The following CIT variants were observed in gnomAD, a reference collection of about 807,000 sequenced individuals.
CIT encodes citron rho-interacting serine/threonine kinase, also known as citron Rho-interacting kinase.
In CIT, 79 loss-of-function variants were observed where a neutral mutation model predicts 272.7. The ratio of observed to expected loss-of-function variants is 0.29; its 90% confidence interval spans 0.24 to 0.35. CIT has a LOEUF of 0.35. Among genes scored for constraint, CIT ranks in the 10% least tolerant of loss-of-function variants. CIT has a pLI of 1.00. For missense variants in CIT, 1,909 were observed against 2,618.3 expected (o/e 0.73, Z 5.91); for synonymous variants, 948 against 995.6 (o/e 0.95, Z 0.90).
chr12:119,703,677 C>T (rs1383104642), intron 41 of CIT, among the ~76,000 whole-genome samples: 2 of 152,120 alleles, frequency 1.3e-5, no homozygotes, highest in South Asian at 2.1e-4. Context: ...CCACCCTCCT[C>T]GGCCTCCCAA....
intron 41 of CIT, among the ~76,000 whole-genome samples, chr12:119,704,074 G>A (rs566689807): frequency 6.6e-6 from 1 of 151,962 alleles, no homozygotes; most frequent in African/African-American, 2.4e-5. Flanking sequence ...TTTCCTATCA[G>A]TCAACTTTCT....
intron 27 of CIT, among the ~76,000 whole-genome samples, 195 bp downstream of exon 27, chr12:119,730,300 C>T (rs1219130749): frequency 2.0e-5 from 3 of 152,062 alleles, no homozygotes; most frequent in Non-Finnish European, 2.9e-5. Context: ...ACTGGGTACC[C>T]ACCGCACCCA....
intron 5 of CIT, among the ~76,000 whole-genome samples, chr12:119,843,946 C>T (rs1186622053): frequency 6.6e-6 from 1 of 151,888 alleles, no homozygotes; most frequent in East Asian, 1.9e-4. Flanking sequence ...AATCTAGGAT[C>T]CATTTATCTT....
chr12:119,833,681 A>G (rs1968801883), intron 6 of CIT, among the ~76,000 whole-genome samples: 2 of 151,920 alleles, frequency 1.3e-5, no homozygotes, highest in Admixed American at 6.6e-5. Flanking sequence ...AAAAAAAAAA[A>G]AAAAAATTGT....
chr12:119,868,926 T>A (rs760946205), intron 3 of CIT, 134 bp downstream of exon 3: 15 of 1,057,626 alleles, frequency 1.4e-5, no homozygotes, highest in Non-Finnish European at 1.8e-5. Context: ...CAGCCTGAAT[T>A]TGAACCTGGA....
intron 9 of CIT, among the ~76,000 whole-genome samples, chr12:119,815,566 CA>C (rs751012278): frequency 3.1e-4 from 47 of 152,066 alleles, no homozygotes; most frequent in Admixed American, 2.0e-3. Context: ...ATTAGCCAAG[CA>C]TAGTGGCGCA....
At chr12:119,854,155 T>C (rs1335277060) in intron 4 of CIT, among the ~76,000 whole-genome samples, 1 of 151,908 alleles carries the variant, frequency 6.6e-6, no homozygotes, top group African/African-American at 2.4e-5. Flanking sequence ...AGCTCCCAAG[T>C]AGCTGGGATT....
At chr12:119,724,930 CAAAAA>C (rs35757526) in intron 28 of CIT, among the ~76,000 whole-genome samples, 2 of 44,528 alleles carry the variant, frequency 4.5e-5, no homozygotes, top group Admixed American at 3.4e-4. Flanking sequence ...GACTCCATCT[CAAAAA>C]AAAAAAAAAA....
At chr12:119,693,436 G>T (rs142531714) in intron 46 of CIT, among the ~76,000 whole-genome samples, 2 of 152,240 alleles carry the variant, frequency 1.3e-5, no homozygotes, top group East Asian at 3.9e-4. Flanking sequence ...ACACTTTTCT[G>T]CCCCTCGTTC....
intron 28 of CIT, among the ~76,000 whole-genome samples, chr12:119,726,045 A>G: frequency 7.6e-6 from 1 of 131,596 alleles, no homozygotes; most frequent in Non-Finnish European, 1.5e-5. Context: ...TTTAGTATTA[A>G]TTTTATTTTT....
At chr12:119,722,168 G>A (rs550622671) in intron 28 of CIT, among the ~76,000 whole-genome samples, 3 of 152,242 alleles carry the variant, frequency 2.0e-5, no homozygotes, top group South Asian at 2.1e-4. Context: ...CTATAAAGAC[G>A]CTGGTTTTGT....
rs374966816 is a variant in CIT, at chr12:119,812,501, G to A, written c.1112-9112C>T. Among the ~76,000 whole-genome samples, 7 of 151,740 alleles carry A rather than the reference G, an allele frequency of 4.6e-5. No homozygotes were observed. The South Asian group carries it at 1.5e-3, about 32-fold the overall frequency. On this transcript the variant is annotated intron_variant, in intron 9 of 47. Transcript: ENST00000392521. ...GATGCCCAGGAGGGAGTGCAGGGGT[G>A]CAATCATAGTTCACTATAAGCTTGA...
intron 10 of CIT, among the ~76,000 whole-genome samples, chr12:119,799,848 T>TTC (rs1163335452): frequency 6.6e-6 from 1 of 151,804 alleles, no homozygotes; most frequent in Non-Finnish European, 1.5e-5. Flanking sequence ...TGAGTTTTTT[T>TTC]TTTTTTAGCT....
At chr12:119,749,271 C>A (rs1477063890) in intron 23 of CIT, among the ~76,000 whole-genome samples, 1 of 152,190 alleles carries the variant, frequency 6.6e-6, no homozygotes, top group Non-Finnish European at 1.5e-5. Context: ...CTTTTATTGA[C>A]AAAACAGCCT....
chr12:119,728,588 T>G lies in CIT; in HGVS notation c.3505A>C (p.Lys1169Gln). ...LSDKLNDLEK[K>Q]HAMLEMNARS... ...GCATTCATTTCAAGCATAGCATGCT[T>G]CTTCTCCAGGTCATTGAGCTAGACA... is the stretch of plus-strand genomic sequence containing the variant. Residue 1169 changes from lysine (K) to glutamine (Q), a missense_variant, in exon 28 of 48, where the codon AAG becomes CAG. Physicochemically the swap from Lys to Gln is moderately conservative, Grantham distance 53 (BLOSUM62 1). Transcript: ENST00000392521. This position sits in a 1 kb window ranked among gnomAD's most constrained non-coding sequence, Gnocchi z 4.3. The G allele has an allele frequency of 6.2e-7, 1 of 1,612,634 alleles. No homozygotes were observed.
intron 4 of CIT, 58 bp from the exon 5 acceptor site, chr12:119,850,333 C>T: frequency 1.9e-6 from 2 of 1,059,760 alleles, no homozygotes; most frequent in Non-Finnish European, 1.4e-6. Flanking sequence ...GAAAAAGAAG[C>T]CTTTTCCTCT....
Position 119,713,351 on chromosome 12 carries a change from G to T in CIT, c.4488-57C>A. 2 of 1,587,492 alleles carry T rather than the reference G, an allele frequency of 1.3e-6. No homozygotes were observed. Among genetic ancestry groups the T allele is most frequent in the East Asian group, 2.2e-5 (1 of 44,764 alleles). ...CTGAACTCAGAAGAAACATCCGGCT[G>T]GAGGATAGGATGAGGGGGTGGCAGA... On this transcript the variant is annotated intron_variant, in intron 34 of 47. Coordinates refer to ENST00000392521, the MANE Select transcript of CIT (RefSeq NM_001206999.2). The surrounding 1 kb of genome is among the most constrained non-coding windows in gnomAD (Gnocchi z 5.2).
intron 16 of CIT, among the ~76,000 whole-genome samples, chr12:119,774,155 T>C (rs1963494596): frequency 6.6e-6 from 1 of 152,234 alleles, no homozygotes; most frequent in Non-Finnish European, 1.5e-5. Context: ...AATTCGTATT[T>C]GGTGGTTATA....
At chr12:119,803,645 T>A (rs1354004108) in intron 9 of CIT, among the ~76,000 whole-genome samples, 1 of 152,028 alleles carries the variant, frequency 6.6e-6, no homozygotes, top group Non-Finnish European at 1.5e-5. Context: ...ACAGGTCACT[T>A]GGGCCAACGA....
Sources: allele counts gnomAD v4.1 joint callset (sites outside exome capture counted in the v4.1 genomes callset), GRCh38; gene constraint gnomAD v4.1.1; non-coding constraint Gnocchi (gnomAD v3.1); transcripts MANE v1.5; gene names NCBI Gene and HGNC (gene_info 2026-07-23, HGNC 2026-07-21).